The following SLC4A3 variants were observed in gnomAD, a reference collection of about 807,000 sequenced individuals.
The protein encoded by SLC4A3 is solute carrier family 4 member 3, also known as anion exchange protein 3.
SLC4A3 carries 47 observed loss-of-function variants against 114.2 expected under a neutral mutation model. The ratio of observed to expected loss-of-function variants is 0.41; its 90% CI spans 0.33 to 0.52. The LOEUF (loss-of-function observed/expected upper bound fraction) is 0.52, where lower values mean the gene tolerates loss of function less well. Ranked by LOEUF, SLC4A3 falls within the 20% of genes least tolerant of loss-of-function variation. The pLI is 0.21. For missense variants in SLC4A3, 1,312 were observed against 1,668.3 expected, an observed-to-expected ratio of 0.79 and a Z score of 3.72; for synonymous variants, 693 against 710.3, an observed-to-expected ratio of 0.98 and a Z score of 0.39.
rs765796469 is a variant in SLC4A3, at chr2:219,636,751, C to T, written c.2412C>T (p.Val804=). 5 of 1,613,974 alleles carry T rather than the reference C, an allele frequency of 3.1e-6. No homozygotes were observed. Among genetic ancestry groups the T allele is most frequent in the African/African-American group, 2.7e-5 (2 of 74,916 alleles). Residue 804 remains valine, a synonymous_variant, in exon 16 of 23, where the codon GTC becomes GTT. Transcript: ENST00000358055. This position sits in a 1 kb window ranked among gnomAD's most constrained non-coding sequence, Gnocchi z 5.5. ...TTGGTCTCTGGCTGGTGGTCTTCGT[C>T]CTTGCCCTGGTGGCCGCCGAAGGCA... ...VWVGLWLVVF[V]LALVAAEGSF...
In SLC4A3 at chr2:219,641,131, T is replaced by C. The variant is rs571183496; in HGVS notation, c.3621+169T>C. On this transcript the variant is annotated intron_variant, in intron 22 of 22. Transcript: ENST00000358055. The surrounding 1 kb of genome is among the most constrained non-coding windows in gnomAD (Gnocchi z 4.0). ...TTCACCTGTATAATAGGGGTGATCA[T>C]AGACCCTACCTTATAGGACTGTTGG... 6.6e-6 allele frequency among the ~76,000 whole-genome samples: 1 copy of C among 152,190 alleles called. No individual in the cohort carries two copies. The highest frequency in any genetic ancestry group is 1.5e-5 in the Non-Finnish European group (1 of 68,032).
chr2:219,639,420 C>T lies in SLC4A3; in HGVS notation c.3024-62C>T. 1 of 1,574,764 alleles carries T rather than the reference C, an allele frequency of 6.4e-7. No homozygotes were observed. The highest frequency in any genetic ancestry group is 8.6e-7 in the Non-Finnish European group (1 of 1,159,718). On this transcript the variant is annotated intron_variant, in intron 19 of 22. Transcript: ENST00000358055. This position sits in a 1 kb window ranked among gnomAD's most constrained non-coding sequence, Gnocchi z 5.9. ...CACCATCTCGTCTCTGTGTGCGTGC[C>T]TGTCTTTGTCCCCTGCCCCTGCCAG...
Position 219,628,413 on chromosome 2 carries a change from G to A in SLC4A3, c.60G>A (p.Val20=), listed in dbSNP as rs764116339. 3 of 1,611,318 alleles carry A rather than the reference G, an allele frequency of 1.9e-6. No individual in the cohort carries two copies. The highest frequency in any genetic ancestry group is 3.4e-5 in the Admixed American group (2 of 59,396). The change falls in exon 3 of 23, where the codon GTG becomes GTA. Residue 20 remains valine (V), a synonymous_variant. Coordinates refer to ENST00000358055, the MANE Select transcript of SLC4A3 (RefSeq NM_005070.4). This position sits in a 1 kb window ranked among gnomAD's most constrained non-coding sequence, Gnocchi z 4.8. The part of the protein sequence containing the change: ...GGASPLPQVR[V]PLEEPPLSPD... ...GCCGTCTGGGCCTGCAGGTCCGGGT[G>A]CCCTTGGAGGAGCCCCCTCTAAGTC... is the stretch of plus-strand genomic sequence containing the variant.
In SLC4A3 at chr2:219,628,025, C is replaced by G; in HGVS notation, c.33C>G (p.Gly11=). 2 of 1,583,760 alleles carry G rather than the reference C, an allele frequency of 1.3e-6. No individual in the cohort carries two copies. The highest frequency in any genetic ancestry group is 8.6e-7 in the Non-Finnish European group (1 of 1,167,534). The change falls in exon 2 of 23, where the codon GGC becomes GGG. Residue 11 remains glycine, a synonymous_variant. Coordinates refer to ENST00000358055, the MANE Select transcript of SLC4A3 (RefSeq NM_005070.4). The surrounding 1 kb of genome is among the most constrained non-coding windows in gnomAD (Gnocchi z 4.8). MANGVIPPPG[G]ASPLPQVRVP... is the part of the protein sequence containing the mutation. ...ACGGAGTGATCCCGCCGCCCGGGGG[C>G]GCCTCCCCCCTACCCCAGGTGATCG...
chr2:219,633,151 A>G lies in SLC4A3; in HGVS notation c.1278-123A>G, dbSNP rs114253543. ...TTTCTATCTTTTGACACTTTCAATC[A>G]TTATAAAGTTTCTTTTTACACTGAG... On this transcript the variant is annotated intron_variant, in intron 9 of 22. Coordinates refer to ENST00000358055, the MANE Select transcript of SLC4A3 (RefSeq NM_005070.4). 2,516 of 1,381,596 alleles carry G rather than the reference A, an allele frequency of 1.8e-3. 26 individuals carry two copies. The African/African-American group carries it at 0.021, about 12-fold the overall frequency. The allele number at this position is 1,381,596 out of a possible 1,614,324, so 85.6% of individuals were successfully genotyped here.
chr2:219,639,662 G>T lies in SLC4A3; in HGVS notation c.3204G>T (p.Ala1068=). ...TGACAGTGATGCGTACTGCCATCGCGCCTGGTGACAAGCCCCAGATCCAGG... is the reference window on the plus strand; with the variant it reads ...TGACAGTGATGCGTACTGCCATCGCTCCTGGTGACAAGCCCCAGATCCAGG... ...NALTVMRTAI[A]PGDKPQIQEV... Residue 1068 remains alanine, a synonymous_variant, in exon 20 of 23, where the codon GCG becomes GCT. Transcript: ENST00000358055. This position sits in a 1 kb window ranked among gnomAD's most constrained non-coding sequence, Gnocchi z 5.9. The T allele has an allele frequency of 6.2e-7, 1 of 1,612,996 alleles. No individual in the cohort carries two copies. The highest frequency in any genetic ancestry group is 8.5e-7 in the Non-Finnish European group (1 of 1,180,002).
Position 219,633,259 on chromosome 2 carries a change from C to T in SLC4A3, c.1278-15C>T. The T allele has an allele frequency of 3.2e-6, 5 of 1,548,596 alleles. No homozygotes were observed. The highest frequency in any genetic ancestry group is 1.7e-4 in the Middle Eastern group (1 of 5,758). ...GAGCCTCTCCTCCTCACCTGCCTCA[C>T]CCTGCCCCTTCCAGCCATCCCAACG... On this transcript the variant is annotated splice_polypyrimidine_tract_variant and intron_variant, in intron 9 of 22. Coordinates refer to ENST00000358055, the MANE Select transcript of SLC4A3 (RefSeq NM_005070.4).
In SLC4A3 at chr2:219,636,684, G is replaced by A; in HGVS notation, c.2345G>A (p.Cys782Tyr). 6.2e-7 allele frequency: 1 copy of A among 1,612,994 alleles called. No homozygotes were observed. Among genetic ancestry groups the A allele is most frequent in the Non-Finnish European group, 8.5e-7 (1 of 1,179,394 alleles). The change falls in exon 16 of 23, where the codon TGC (cysteine) becomes TAC (tyrosine). Residue 782 changes from cysteine (C) to tyrosine (Y), a missense_variant. Physicochemically the swap from Cys to Tyr is radical, Grantham distance 194 (BLOSUM62 -2). Transcript: ENST00000358055. This position sits in a 1 kb window ranked among gnomAD's most constrained non-coding sequence, Gnocchi z 5.5. ...LVFEEAFFKFCRAQDLEYLTG... is the reference protein window; with the variant it reads ...LVFEEAFFKFYRAQDLEYLTG... The stretch of plus-strand genomic sequence containing the variant: ...ACCGCTCCTACCCCCACCTAGTTCT[G>A]CCGAGCCCAGGACCTGGAGTACCTC...
intron 12 of SLC4A3, 152 bp downstream of exon 12, chr2:219,634,756 C>A: frequency 1.2e-6 from 1 of 826,146 alleles, no homozygotes; most frequent in Non-Finnish European, 1.8e-6. Flanking sequence ...GCTGTTGGCC[C>A]AGGGGAGAAG....
chr2:219,628,697 G>A lies in SLC4A3; in HGVS notation c.217+127G>A. 8.2e-6 allele frequency: 8 copies of A among 973,842 alleles called. No individual in the cohort carries two copies. The South Asian group carries it at 1.1e-4, about 13-fold the overall frequency. The allele number at this position is 973,842 out of a possible 1,614,324, so 60.3% of individuals were successfully genotyped here. On this transcript the variant is annotated intron_variant, in intron 3 of 22. Coordinates refer to ENST00000358055, the MANE Select transcript of SLC4A3 (RefSeq NM_005070.4). This position sits in a 1 kb window ranked among gnomAD's most constrained non-coding sequence, Gnocchi z 4.8. ...TGTGCCGGACACTGTGCTGGACTCT[G>A]TGCTGGGCCACATGCCGTGTTCAGT...
chr2:219,641,450 A>G lies in SLC4A3; in HGVS notation c.3622-201A>G, dbSNP rs762930890. ...AATAATAATCATTATTATTATCACC[A>G]GGAGGGGCCAGGTATCTGGTCTGGG... On this transcript the variant is annotated intron_variant, in intron 22 of 22. Transcript: ENST00000358055. The surrounding 1 kb of genome is among the most constrained non-coding windows in gnomAD (Gnocchi z 4.0). Among the ~76,000 whole-genome samples the G allele has an allele frequency of 6.6e-6, 1 of 152,170 alleles. No homozygotes were observed. Among genetic ancestry groups the G allele is most frequent in the Non-Finnish European group, 1.5e-5 (1 of 68,026 alleles).
intron 7 of SLC4A3, 58 bp from the exon 8 acceptor site, chr2:219,632,204 T>C (rs1698949040): frequency 1.2e-6 from 2 of 1,610,936 alleles, no homozygotes; most frequent in Non-Finnish European, 1.7e-6. Context: ...CCTTGCCCCA[T>C]CACGGTGTTC....
Position 219,629,141 on chromosome 2 carries a change from C to G in SLC4A3, c.218-3C>G. 1 of 1,574,294 alleles carries G rather than the reference C, an allele frequency of 6.4e-7. No individual in the cohort carries two copies. The highest frequency in any genetic ancestry group is 8.6e-7 in the Non-Finnish European group (1 of 1,158,566). On this transcript the variant is annotated splice_polypyrimidine_tract_variant and splice_region_variant and intron_variant, in intron 3 of 22. Transcript: ENST00000358055. ...GCCTCAACCGGATCTCCTGCACCCC[C>G]AGTTCACCGGCACACATCCCACCAC...
intron 9 of SLC4A3, 54 bp from the exon 10 acceptor site, chr2:219,633,220 C>G (rs1241519819): frequency 6.7e-7 from 1 of 1,499,242 alleles, no homozygotes; most frequent in African/African-American, 1.4e-5. Flanking sequence ...CACCTCATGA[C>G]CTCAGTCTAC....
At chr2:219,629,882 A>AGG (rs3214742) in intron 5 of SLC4A3, among the ~76,000 whole-genome samples, 187 bp downstream of exon 5, 8 of 105,072 alleles carry the variant, frequency 7.6e-5, no homozygotes, top group East Asian at 3.0e-4. Context: ...GGAGAGAACA[A>AGG]GGGGGGGGGG....
In SLC4A3 at chr2:219,627,761, G is replaced by T; in HGVS notation, c.-94+16G>T. On this transcript the variant is annotated intron_variant, in intron 1 of 22. Coordinates refer to ENST00000358055, the MANE Select transcript of SLC4A3 (RefSeq NM_005070.4). ...GAGCCCCGAGGTACCGCGGGGCGGG[G>T]CACGCCGGGCAGGGCGGGGGACCCG... The T allele has an allele frequency of 2.9e-6, 1 of 340,302 alleles. No individual in the cohort carries two copies. Among genetic ancestry groups the T allele is most frequent in the Non-Finnish European group, 5.3e-6 (1 of 189,072 alleles). 21.1% of individuals were successfully genotyped at this position (340,302 alleles called of 1,614,324 possible).
Position 219,630,956 on chromosome 2 carries a change from TC to T in SLC4A3, c.811+605del. 1 of 198,038 alleles carries T rather than the reference TC, an allele frequency of 5.0e-6. No individual in the cohort carries two copies. The highest frequency in any genetic ancestry group is 8.9e-6 in the Non-Finnish European group (1 of 112,048). The allele number at this position is 198,038 out of a possible 1,614,324, so 12.3% of individuals were successfully genotyped here. Reference sequence around the variant, plus strand: ...TGGGGGGAAGGGTAGGGCTTTGAGCTCAATACGTCATGGAAAGTTGCCAGGG... The same window carrying T: ...TGGGGGGAAGGGTAGGGCTTTGAGCTAATACGTCATGGAAAGTTGCCAGGG... On this transcript the variant is annotated intron_variant, in intron 6 of 22. Coordinates refer to ENST00000358055, the MANE Select transcript of SLC4A3 (RefSeq NM_005070.4). This position sits in a 1 kb window ranked among gnomAD's most constrained non-coding sequence, Gnocchi z 6.9.
chr2:219,631,924 C>T lies in SLC4A3; in HGVS notation c.812-44C>T, dbSNP rs755961947. Reference sequence around the variant, plus strand: ...AGGAGCTGGGCCGTGACCCCGAGGGCCCCAGCTGGACCTGTGGGACCCCCA... The same window carrying T: ...AGGAGCTGGGCCGTGACCCCGAGGGTCCCAGCTGGACCTGTGGGACCCCCA... On this transcript the variant is annotated intron_variant, in intron 6 of 22. Coordinates refer to ENST00000358055, the MANE Select transcript of SLC4A3 (RefSeq NM_005070.4). The surrounding 1 kb of genome is among the most constrained non-coding windows in gnomAD (Gnocchi z 6.3). The T allele has an allele frequency of 3.3e-6, 5 of 1,534,952 alleles. No homozygotes were observed. The East Asian group carries it at 1.1e-4, about 35-fold the overall frequency.
rs1225171511 is a variant in SLC4A3, at chr2:219,636,884, C to T, written c.2535+10C>T. ...CTACAAGCTCTACAAGGTGGAGGTC[C>T]AGCGAGGTCTTGGGGGTGGCAGAGA... On this transcript the variant is annotated intron_variant, in intron 16 of 22. Transcript: ENST00000358055. The surrounding 1 kb of genome is among the most constrained non-coding windows in gnomAD (Gnocchi z 5.5). 1.2e-6 allele frequency: 2 copies of T among 1,609,664 alleles called. No homozygotes were observed. Among genetic ancestry groups the T allele is most frequent in the Non-Finnish European group, 1.7e-6 (2 of 1,176,784 alleles).
Sources: gnomAD v4.1 joint callset for allele counts (sites outside exome capture counted in the v4.1 genomes callset) on GRCh38, gnomAD v4.1.1 for gene constraint, Gnocchi (gnomAD v3.1) non-coding constraint, MANE v1.5 for transcripts, NCBI Gene and HGNC (gene_info 2026-07-23, HGNC 2026-07-21) for gene names.